The following ANK3 variants were observed in gnomAD, a reference collection of about 807,000 sequenced individuals.
ANK3 encodes ankyrin-3.
ANK3 carries 57 observed loss-of-function variants against 370.9 expected under a neutral mutation model. That is an observed-to-expected ratio of 0.15 (90% CI 0.12 to 0.19). The LOEUF is 0.19. Ranked by LOEUF, ANK3 falls within the 10% of genes least tolerant of loss-of-function variation. ANK3 has a pLI of 1.00. For missense variants in ANK3, 4,439 were observed against 5,302.1 expected, an observed-to-expected ratio of 0.84 and a Z score of 5.06; for synonymous variants, 1,929 against 1,946.3, an observed-to-expected ratio of 0.99 and a Z score of 0.23.
intron 4 of ANK3, among the ~76,000 whole-genome samples, chr10:60,272,861 T>G (rs1379505897): frequency 6.6e-6 from 1 of 152,118 alleles, no homozygotes; most frequent in Non-Finnish European, 1.5e-5. Flanking sequence ...GTAATGTCAG[T>G]TCGTTCTCAA....
At chr10:60,701,286 C>T (rs1276816238) in intron 1 of ANK3, among the ~76,000 whole-genome samples, 3 of 151,660 alleles carry the variant, frequency 2.0e-5, no homozygotes, top group East Asian at 3.9e-4. Flanking sequence ...CATATGTGGT[C>T]GAGAATATAA....
chr10:60,628,836 A>T (rs2078444574), intron 1 of ANK3, among the ~76,000 whole-genome samples: 1 of 152,208 alleles, frequency 6.6e-6, no homozygotes, highest in South Asian at 2.1e-4. Flanking sequence ...ATGAAGTTAA[A>T]AATGATTATT....
At chr10:60,089,660 G>A (rs973008087) in intron 28 of ANK3, among the ~76,000 whole-genome samples, 4 of 152,038 alleles carry the variant, frequency 2.6e-5, no homozygotes, top group African/African-American at 9.7e-5. Context: ...TATCTTATAT[G>A]ATATTAAGAT....
chr10:60,220,013 C>T (rs1019691894), intron 8 of ANK3, among the ~76,000 whole-genome samples: 9 of 152,148 alleles, frequency 5.9e-5, no homozygotes, highest in East Asian at 1.9e-4. Context: ...GTAAAGCAGC[C>T]TTTCAAGTGA....
chr10:60,638,194 T>C (rs906773072), intron 1 of ANK3, among the ~76,000 whole-genome samples: 2 of 152,176 alleles, frequency 1.3e-5, no homozygotes, highest in Non-Finnish European at 2.9e-5. Context: ...AAAGAACCAG[T>C]AGGCTGAAAA....
intron 36 of ANK3, 40 bp from the exon 37 acceptor site, chr10:60,076,488 C>A (rs1564839137): frequency 2.0e-6 from 3 of 1,522,150 alleles, no homozygotes; most frequent in Non-Finnish European, 2.6e-6. Context: ...ACACAAAAAT[C>A]AACAAAAATG....
At chr10:60,712,337 T>C (rs1414351103) in intron 1 of ANK3, among the ~76,000 whole-genome samples, 1 of 152,182 alleles carries the variant, frequency 6.6e-6, no homozygotes, top group Non-Finnish European at 1.5e-5. Context: ...ATGACAGCAA[T>C]ATTATAAGGG....
At chr10:60,358,565 C>T (rs1053063702) in intron 1 of ANK3, among the ~76,000 whole-genome samples, 1 of 152,140 alleles carries the variant, frequency 6.6e-6, no homozygotes, top group African/African-American at 2.4e-5. Context: ...CACTGAGTTC[C>T]ATTGGTTTAA....
At chr10:60,303,542 G>A (rs1480057033) in intron 1 of ANK3, among the ~76,000 whole-genome samples, 2 of 152,062 alleles carry the variant, frequency 1.3e-5, no homozygotes, top group Non-Finnish European at 2.9e-5. Context: ...AATGAGCTAT[G>A]ACCTCACACC....
intron 2 of ANK3, among the ~76,000 whole-genome samples, chr10:60,446,454 C>T (rs1323862593): frequency 2.0e-5 from 3 of 152,172 alleles, no homozygotes; most frequent in Non-Finnish European, 4.4e-5. Flanking sequence ...TTTATTCCTA[C>T]AGTCAGCATG....
intron 9 of ANK3, among the ~76,000 whole-genome samples, chr10:60,209,577 G>A (rs1043553571): frequency 1.3e-5 from 2 of 152,110 alleles, no homozygotes; most frequent in African/African-American, 2.4e-5. Flanking sequence ...TAAAGGCCTC[G>A]TACACTGTCA....
intron 1 of ANK3, among the ~76,000 whole-genome samples, chr10:60,654,845 G>C (rs1028961138): frequency 1.3e-5 from 2 of 152,058 alleles, no homozygotes; most frequent in Non-Finnish European, 2.9e-5. Flanking sequence ...GTTTGTGTAG[G>C]TTTATTATTA....
intron 2 of ANK3, among the ~76,000 whole-genome samples, chr10:60,544,628 C>T (rs1378701273): frequency 6.6e-6 from 1 of 152,006 alleles, no homozygotes; most frequent in East Asian, 1.9e-4. Flanking sequence ...ACAGCTCACT[C>T]TAAAGTGACA....
At chr10:60,461,409 G>T (rs2064880648) in intron 2 of ANK3, among the ~76,000 whole-genome samples, 1 of 152,098 alleles carries the variant, frequency 6.6e-6, no homozygotes, top group African/African-American at 2.4e-5. Context: ...GGATCAAAAT[G>T]ATATTTTCAG....
intron 1 of ANK3, among the ~76,000 whole-genome samples, chr10:60,680,784 C>T (rs1353627743): frequency 6.6e-6 from 1 of 152,126 alleles, no homozygotes. Flanking sequence ...TTGGACCAGT[C>T]TGCCTGGTTT....
At chr10:60,205,726 G>C in intron 11 of ANK3, 66 bp downstream of exon 11, 1 of 1,182,004 alleles carries the variant, frequency 8.5e-7, no homozygotes, top group Non-Finnish European at 1.3e-6. Flanking sequence ...GATGGCCCTG[G>C]GGCTCTGGCT....
chr10:60,689,367 G>A (rs1166377711), intron 1 of ANK3, among the ~76,000 whole-genome samples: 1 of 152,112 alleles, frequency 6.6e-6, no homozygotes, highest in Non-Finnish European at 1.5e-5. Flanking sequence ...CCACTGCAGT[G>A]CAGCCTGAGC....
intron 26 of ANK3, among the ~76,000 whole-genome samples, chr10:60,113,126 A>T (rs1291861021): frequency 6.6e-6 from 1 of 152,114 alleles, no homozygotes; most frequent in African/African-American, 2.4e-5. Flanking sequence ...TTGACCAGGG[A>T]GGCAGGATGA....
intron 1 of ANK3, among the ~76,000 whole-genome samples, chr10:60,634,040 A>G (rs575221839): frequency 1.3e-5 from 2 of 152,342 alleles, no homozygotes; most frequent in South Asian, 4.1e-4. Flanking sequence ...TCTCAATTAT[A>G]ATAAAGTCTG....
Sources: allele counts gnomAD v4.1 joint callset (sites outside exome capture counted in the v4.1 genomes callset), GRCh38; gene constraint gnomAD v4.1.1; transcripts MANE v1.5; gene names NCBI Gene and HGNC (gene_info 2026-07-23, HGNC 2026-07-21).